CNTLN: variants seen among roughly 807,000 people sequenced by gnomAD.
CNTLN encodes the protein centlein, centrosomal protein.
Under a neutral mutation model 180.0 loss-of-function variants are expected in CNTLN, and 212 were observed. That is an observed-to-expected ratio of 1.18 (90% CI 1.05 to 1.32). The LOEUF (loss-of-function observed/expected upper bound fraction) is 1.32, where lower values mean the gene tolerates loss of function less well. Among genes scored for constraint, CNTLN ranks in the 40% most tolerant of loss-of-function variants. CNTLN has a pLI of 0.00. For synonymous variants in CNTLN, 722 were observed against 563.1 expected, an observed-to-expected ratio of 1.28 and a Z score of -3.99; for missense variants, 2,095 against 1,610.9, an observed-to-expected ratio of 1.30 and a Z score of -5.14.
chr9:17,476,234 A>G (rs1014981363), intron 23 of CNTLN, among the ~76,000 whole-genome samples: 3 of 152,122 alleles, frequency 2.0e-5, no homozygotes, highest in Non-Finnish European at 4.4e-5. Flanking sequence ...GATAAATATT[A>G]TGTGTGTTCT....
At chr9:17,326,057 C>T (rs1217482374) in intron 8 of CNTLN, among the ~76,000 whole-genome samples, 2 of 152,026 alleles carry the variant, frequency 1.3e-5, no homozygotes, top group South Asian at 2.1e-4. Flanking sequence ...TCCCCCATGC[C>T]TTCTATTCTA....
At chr9:17,284,947 T>C (rs1828888139) in intron 6 of CNTLN, among the ~76,000 whole-genome samples, 2 of 152,096 alleles carry the variant, frequency 1.3e-5, no homozygotes, top group East Asian at 3.9e-4. Context: ...AGAGACTCTG[T>C]GTGTTGTCTC....
intron 1 of CNTLN, among the ~76,000 whole-genome samples, chr9:17,139,435 C>T (rs944508949): frequency 4.0e-5 from 6 of 151,466 alleles, no homozygotes; most frequent in African/African-American, 9.7e-5. Flanking sequence ...CTGAGATGGG[C>T]GGATCACTTG....
At chr9:17,191,364 G>T (rs945089606) in intron 2 of CNTLN, among the ~76,000 whole-genome samples, 3 of 152,208 alleles carry the variant, frequency 2.0e-5, no homozygotes, top group Non-Finnish European at 4.4e-5. Flanking sequence ...CTAGTAGTCT[G>T]TGCAGTGTCC....
At chr9:17,245,275 T>G (rs1825732249) in intron 5 of CNTLN, among the ~76,000 whole-genome samples, 1 of 152,074 alleles carries the variant, frequency 6.6e-6, no homozygotes. Context: ...TCTGGGAAAG[T>G]CTTTTGTTTG....
rs1275756984 is a variant in CNTLN, at chr9:17,381,768, G to T, written c.1988-6394G>T. 4.6e-5 allele frequency among the ~76,000 whole-genome samples: 7 copies of T among 152,280 alleles called. No individual in the cohort carries two copies. In the East Asian group the frequency reaches 1.4e-3, roughly 29 times the overall value. ...TGTGCTGCAGGCTGCAGGTCTGTTGGTTGGCTGGAGTGCTTCACCTTGAGG... is the reference window on the plus strand; with the variant it reads ...TGTGCTGCAGGCTGCAGGTCTGTTGTTTGGCTGGAGTGCTTCACCTTGAGG... On this transcript the variant is annotated intron_variant, in intron 13 of 25. Coordinates refer to ENST00000380647, the MANE Select transcript of CNTLN (RefSeq NM_017738.4).
At chr9:17,299,393 A>G (rs912828374) in intron 7 of CNTLN, 2 of 927,752 alleles carry the variant, frequency 2.2e-6, no homozygotes, top group South Asian at 5.0e-5. Flanking sequence ...GAGAGGTTAA[A>G]TAATACACAG....
At chr9:17,242,652 T>C (rs1825566058) in intron 5 of CNTLN, among the ~76,000 whole-genome samples, 1 of 152,222 alleles carries the variant, frequency 6.6e-6, no homozygotes, top group South Asian at 2.1e-4. Flanking sequence ...TATCTCATGA[T>C]GTATCCCAAT....
chr9:17,437,970 C>G (rs947899191), intron 18 of CNTLN, among the ~76,000 whole-genome samples: 15 of 152,100 alleles, frequency 9.9e-5, no homozygotes, highest in African/African-American at 3.6e-4. Flanking sequence ...GTGCATTGAA[C>G]AAAGTCATTA....
chr9:17,524,893 C>T, the CNTLN span, among the ~76,000 whole-genome samples: 3 of 152,178 alleles, frequency 2.0e-5, no homozygotes, highest in South Asian at 4.1e-4. Flanking sequence ...CGGCTTCTTA[C>T]TGTCCACTTG....
chr9:17,512,635 A>C, the CNTLN span, among the ~76,000 whole-genome samples: 1 of 149,358 alleles, frequency 6.7e-6, no homozygotes. Flanking sequence ...GGTACCCCCC[A>C]AATCTATAAT....
chr9:17,483,105 A>C (rs917968377), intron 23 of CNTLN, among the ~76,000 whole-genome samples: 1 of 152,168 alleles, frequency 6.6e-6, no homozygotes, highest in Non-Finnish European at 1.5e-5. Context: ...CAAATAATGA[A>C]ATAATTGAAA....
chr9:17,218,244 A>G (rs142493552), intron 2 of CNTLN, among the ~76,000 whole-genome samples: 182 of 152,302 alleles, frequency 1.2e-3, no homozygotes, highest in African/African-American at 4.2e-3. Context: ...AGCAAAGTAG[A>G]TATATTAACT....
intron 12 of CNTLN, among the ~76,000 whole-genome samples, chr9:17,344,297 A>G (rs1821710614): frequency 6.6e-6 from 1 of 152,192 alleles, no homozygotes; most frequent in African/African-American, 2.4e-5. Flanking sequence ...TCATTCTTAA[A>G]GTGTGGAATT....
rs899992231 is a variant in CNTLN, at chr9:17,410,174, T to C, written c.2796+701T>C. Among the ~76,000 whole-genome samples, 6 of 152,128 alleles carry C rather than the reference T, an allele frequency of 3.9e-5. No homozygotes were observed. The South Asian group carries it at 8.3e-4, about 21-fold the overall frequency. On this transcript the variant is annotated intron_variant, in intron 16 of 25. Transcript: ENST00000380647. ...AAATGACTGCTGATTGATTGATAAA[T>C]AGATTTTATAGAAATTTTTGCTGCT...
intron 8 of CNTLN, among the ~76,000 whole-genome samples, chr9:17,329,409 G>T (rs1034591584): frequency 5.3e-5 from 8 of 151,968 alleles, no homozygotes; most frequent in Non-Finnish European, 1.0e-4. Flanking sequence ...AGACTTCCTG[G>T]AAGAGAAATG....
intron 13 of CNTLN, among the ~76,000 whole-genome samples, chr9:17,368,340 C>G (rs1159772840): frequency 2.0e-5 from 3 of 152,094 alleles, no homozygotes; most frequent in Non-Finnish European, 2.9e-5. Context: ...GACTAGAACA[C>G]CAGGTGGATT....
At chr9:17,282,538 C>G (rs1179172919) in intron 6 of CNTLN, among the ~76,000 whole-genome samples, 1 of 152,006 alleles carries the variant, frequency 6.6e-6, no homozygotes, top group Non-Finnish European at 1.5e-5. Context: ...CTGTAGGTTG[C>G]CTGTTCACTT....
downstream of CNTLN, among the ~76,000 whole-genome samples, chr9:17,505,515 T>C (rs1210256825): frequency 6.6e-6 from 1 of 152,000 alleles, no homozygotes; most frequent in Non-Finnish European, 1.5e-5. Flanking sequence ...GAAAATGAAA[T>C]TAAAAATACA....
Sources: gnomAD v4.1 joint callset for allele counts (sites outside exome capture counted in the v4.1 genomes callset) on GRCh38, gnomAD v4.1.1 for gene constraint, MANE v1.5 for transcripts, NCBI Gene and HGNC (gene_info 2026-07-23, HGNC 2026-07-21) for gene names.